Variants in GRIK4 observed in about 807,000 individuals in gnomAD.
GRIK4 encodes the protein glutamate receptor ionotropic, kainate 4.
A neutral mutation model predicts 104.9 loss-of-function variants in GRIK4; 40 were observed. That is an observed-to-expected ratio of 0.38 (90% CI 0.30 to 0.50). GRIK4 has a LOEUF of 0.50. Ranked by LOEUF, GRIK4 falls within the 20% of genes least tolerant of loss-of-function variation. The pLI is 0.93. For synonymous variants in GRIK4, 485 were observed against 524.9 expected, an observed-to-expected ratio of 0.92 and a Z score of 1.04; for missense variants, 1,047 against 1,308.1, an observed-to-expected ratio of 0.80 and a Z score of 3.08.
intron 13 of GRIK4, among the ~76,000 whole-genome samples, chr11:120,916,939 C>T: frequency 6.6e-6 from 1 of 152,122 alleles, no homozygotes; most frequent in East Asian, 1.9e-4. Flanking sequence ...TGCATCAACC[C>T]AAGGCTTAGA....
chr11:120,945,436 G>A (rs1291223026), intron 14 of GRIK4, among the ~76,000 whole-genome samples: 1 of 152,120 alleles, frequency 6.6e-6, no homozygotes, highest in Admixed American at 6.5e-5. Context: ...TTTATGATAC[G>A]ATTTTTGGTA....
At chr11:120,644,011 C>CTGTGTGTG (rs369374873) in intron 1 of GRIK4, among the ~76,000 whole-genome samples, 48,285 of 122,534 alleles carry the variant, frequency 0.39, 9,872 homozygotes, top group Non-Finnish European at 0.46. Context: ...GGGAGAGGGT[C>CTGTGTGTG]TGTGTGTGTG....
At chr11:120,580,253 T>TTCTTTCTTTTTC (rs1319848737) in intron 1 of GRIK4, among the ~76,000 whole-genome samples, 1 of 117,500 alleles carries the variant, frequency 8.5e-6, no homozygotes, top group Non-Finnish European at 1.7e-5. Context: ...CTTTCTTTCT[T>TTCTTTCTTTTTC]TTTCTTTCTT....
chr11:120,824,917 TTTTG>T (rs368681794), intron 6 of GRIK4, among the ~76,000 whole-genome samples: 7,456 of 151,912 alleles, frequency 0.049, 194 homozygotes, highest in Middle Eastern at 0.092. Flanking sequence ...GTTTGCTTGT[TTTTG>T]TTTGTTTGTT....
At chr11:120,886,198 C>T (rs999548744) in intron 11 of GRIK4, among the ~76,000 whole-genome samples, 1 of 152,236 alleles carries the variant, frequency 6.6e-6, no homozygotes, top group Non-Finnish European at 1.5e-5. Context: ...CTGATGTGCA[C>T]GTTCCCAGCT....
chr11:120,759,899 A>G (rs1381193633), intron 3 of GRIK4, among the ~76,000 whole-genome samples: 2 of 152,154 alleles, frequency 1.3e-5, no homozygotes, highest in East Asian at 3.8e-4. Flanking sequence ...GGATACATAT[A>G]GATAGTAAGA....
intron 1 of GRIK4, chr11:120,619,984 A>C (rs2135162470): frequency 4.0e-6 from 2 of 497,744 alleles, no homozygotes; most frequent in East Asian, 6.2e-5. Flanking sequence ...GTTTCAGTGT[A>C]ATTGGGAGTT....
chr11:120,956,987 T>C lies in GRIK4; in HGVS notation c.1874+34T>C. On this transcript the variant is annotated intron_variant, in intron 16 of 20. Coordinates refer to ENST00000527524, the MANE Select transcript of GRIK4 (RefSeq NM_014619.5). The surrounding 1 kb of genome is among the most constrained non-coding windows in gnomAD (Gnocchi z 4.6). ...CCAGGCAGAGGTGAACCAGGCCAGG[T>C]GGGGTGGGGACACAAAAGGGGCCCT... The C allele has an allele frequency of 2.6e-6, 4 of 1,541,686 alleles. No homozygotes were observed. The highest frequency in any genetic ancestry group is 3.5e-6 in the Non-Finnish European group (4 of 1,142,214).
intron 13 of GRIK4, among the ~76,000 whole-genome samples, chr11:120,934,615 C>G (rs2134621398): frequency 6.6e-6 from 1 of 152,298 alleles, no homozygotes; most frequent in African/African-American, 2.4e-5. Flanking sequence ...CAGGCTGGCT[C>G]CCGCCTGCCC....
chr11:120,752,956 G>A (rs913513574), intron 3 of GRIK4, among the ~76,000 whole-genome samples: 1 of 152,254 alleles, frequency 6.6e-6, no homozygotes, highest in African/African-American at 2.4e-5. Flanking sequence ...CCGGAAGATG[G>A]CCTGGAGGTG....
In GRIK4 at chr11:120,875,131, T is replaced by G. The variant is rs758835137; in HGVS notation, c.1060-8T>G. 59 of 1,576,784 alleles carry G rather than the reference T, an allele frequency of 3.7e-5. No individual in the cohort carries two copies. Among genetic ancestry groups the G allele is most frequent in the Non-Finnish European group, 4.6e-5 (53 of 1,146,538 alleles). ...GTTTGGTGCTGTAACTCACTCTCTC[T>G]TGGACAGGTAGAATTGGAAGGTCTT... On this transcript the variant is annotated splice_polypyrimidine_tract_variant and splice_region_variant and intron_variant, in intron 10 of 20. Transcript: ENST00000527524.
chr11:120,525,661 G>A (rs80103712), intron 1 of GRIK4, among the ~76,000 whole-genome samples: 6 of 152,350 alleles, frequency 3.9e-5, no homozygotes, highest in Non-Finnish European at 8.8e-5. Context: ...GGGGATGGGG[G>A]CAGAGTGGGA....
chr11:120,535,162 C>A (rs986808573), intron 1 of GRIK4, among the ~76,000 whole-genome samples: 5 of 152,112 alleles, frequency 3.3e-5, no homozygotes, highest in African/African-American at 1.2e-4. Flanking sequence ...GTGTACGGCC[C>A]ACTCTTGTGA....
At chr11:120,754,462 G>T (rs1030302951) in intron 3 of GRIK4, among the ~76,000 whole-genome samples, 1 of 152,098 alleles carries the variant, frequency 6.6e-6, no homozygotes. Flanking sequence ...TCCATTGTAT[G>T]GCTCTACCAC....
intron 3 of GRIK4, among the ~76,000 whole-genome samples, chr11:120,757,322 C>A (rs1951671326): frequency 6.6e-6 from 1 of 152,236 alleles, no homozygotes; most frequent in South Asian, 2.1e-4. Context: ...GTAGCATGGG[C>A]TTTTAGCCAA....
chr11:120,891,336 G>A (rs1169613591), intron 11 of GRIK4, among the ~76,000 whole-genome samples: 4 of 152,316 alleles, frequency 2.6e-5, no homozygotes, highest in South Asian at 4.2e-4. Context: ...TGCTATGCCC[G>A]TTCCCATCGC....
At chr11:120,874,010 T>C in intron 9 of GRIK4, 56 bp from the exon 10 acceptor site, 1 of 1,484,870 alleles carries the variant, frequency 6.7e-7, no homozygotes, top group Non-Finnish European at 9.2e-7. Flanking sequence ...CTCCCCTCCC[T>C]TTCTTCCTCT....
chr11:120,960,461 A>G (rs1289188728), intron 16 of GRIK4, among the ~76,000 whole-genome samples: 1 of 152,216 alleles, frequency 6.6e-6, no homozygotes, highest in African/African-American at 2.4e-5. Flanking sequence ...GAGATAGTGG[A>G]TGTAGCTCGT....
intron 1 of GRIK4, among the ~76,000 whole-genome samples, chr11:120,545,556 A>G (rs1948078059): frequency 6.6e-6 from 1 of 152,202 alleles, no homozygotes; most frequent in African/African-American, 2.4e-5. Context: ...GTATGAGGAA[A>G]ACAGACTCAG....
Sources: gnomAD v4.1 joint callset for allele counts (sites outside exome capture counted in the v4.1 genomes callset) on GRCh38, gnomAD v4.1.1 for gene constraint, Gnocchi (gnomAD v3.1) non-coding constraint, MANE v1.5 for transcripts, NCBI Gene and HGNC (gene_info 2026-07-23, HGNC 2026-07-21) for gene names.